The following LIN28B variants were observed in gnomAD, a reference collection of about 807,000 sequenced individuals.
LIN28B encodes lin-28 RNA binding posttranscriptional regulator B, also known as protein lin-28 homolog B.
In LIN28B, 5 loss-of-function variants were observed where a neutral mutation model predicts 21.9. The observed-to-expected ratio is 0.23, with a 90% CI of 0.12 to 0.48. The LOEUF (loss-of-function observed/expected upper bound fraction) is 0.48, where lower values mean the gene tolerates loss of function less well. LIN28B is among the 20% of genes least tolerant of loss of function. The pLI is 0.98. For synonymous variants in LIN28B, 109 were observed against 111.3 expected (o/e 0.98, Z 0.13); for missense variants, 245 against 310.5 (o/e 0.79, Z 1.58).
Position 105,016,714 on chromosome 6 carries a change from A to G in LIN28B, c.199-9584A>G, listed in dbSNP as rs567732803. Among the ~76,000 whole-genome samples the G allele has an allele frequency of 6.0e-4, 92 of 152,250 alleles. No individual in the cohort carries two copies. The South Asian group carries it at 0.018, about 30-fold the overall frequency. On this transcript the variant is annotated intron_variant, in intron 2 of 3. Coordinates refer to ENST00000345080, the MANE Select transcript of LIN28B (RefSeq NM_001004317.4). ...TTCAGGGATGGTTTTAGGCATGTAA[A>G]TGAAAAATTATGATCTTTCCTTTCA...
intron 3 of LIN28B, among the ~76,000 whole-genome samples, chr6:105,051,367 A>G (rs1771898012): frequency 6.7e-6 from 1 of 149,432 alleles, no homozygotes; most frequent in Non-Finnish European, 1.5e-5. Context: ...TGAACCTGGG[A>G]GGTGGAGGTT....
intron 2 of LIN28B, among the ~76,000 whole-genome samples, chr6:104,946,746 G>A (rs314262): frequency 0.47 from 71,494 of 151,992 alleles, 18,594 homozygotes; most frequent in East Asian, 0.69. Context: ...GTAGTTCAGT[G>A]ATAGTTGACA....
chr6:105,060,675 G>T (rs1359154585), intron 3 of LIN28B, among the ~76,000 whole-genome samples: 2 of 152,136 alleles, frequency 1.3e-5, no homozygotes, highest in Admixed American at 1.3e-4. Flanking sequence ...ATGTTTTAAA[G>T]CCCAAAATAT....
chr6:105,055,403 C>A (rs910731461), intron 3 of LIN28B, among the ~76,000 whole-genome samples: 2 of 152,088 alleles, frequency 1.3e-5, no homozygotes, highest in Non-Finnish European at 2.9e-5. Context: ...AGTTGGAATT[C>A]ATGGGACAGG....
chr6:104,957,400 C>T (rs545497767), intron 1 of LIN28B, 140 bp downstream of exon 1: 3 of 590,006 alleles, frequency 5.1e-6, no homozygotes, highest in East Asian at 5.9e-5. Context: ...CCCCCCATCA[C>T]GCAGTGGGGC....
chr6:105,071,063 G>A (rs1772323934), intron 3 of LIN28B, among the ~76,000 whole-genome samples: 1 of 152,096 alleles, frequency 6.6e-6, no homozygotes, highest in African/African-American at 2.4e-5. Context: ...TTTTAGTAGA[G>A]ACGGAGTTTC....
At chr6:104,946,679 A>G (rs1778159627) in intron 2 of LIN28B, among the ~76,000 whole-genome samples, 2 of 152,210 alleles carry the variant, frequency 1.3e-5, no homozygotes, top group South Asian at 4.1e-4. Flanking sequence ...AAGTAATGTT[A>G]TTTTAAAACG....
chr6:105,045,160 A>G (rs1241002976), intron 3 of LIN28B, among the ~76,000 whole-genome samples: 2 of 151,952 alleles, frequency 1.3e-5, no homozygotes, highest in South Asian at 2.1e-4. Context: ...TTTTTATTCT[A>G]TGTATATCTT....
intron 3 of LIN28B, among the ~76,000 whole-genome samples, chr6:105,060,902 T>G (rs1013513303): frequency 1.3e-5 from 2 of 152,052 alleles, no homozygotes; most frequent in African/African-American, 4.8e-5. Flanking sequence ...AAGAAAGTAG[T>G]TTGTATATAG....
intron 2 of LIN28B, among the ~76,000 whole-genome samples, chr6:105,015,803 G>A (rs1208419489): frequency 6.6e-6 from 1 of 152,114 alleles, no homozygotes; most frequent in Non-Finnish European, 1.5e-5. Context: ...GTGGTTTGTA[G>A]TCTTCCAAAG....
intron 2 of LIN28B, among the ~76,000 whole-genome samples, chr6:104,959,717 G>T (rs969933456): frequency 1.3e-5 from 2 of 152,070 alleles, no homozygotes; most frequent in Non-Finnish European, 2.9e-5. Context: ...TACATTTTCT[G>T]TTTTTTCCCC....
At chr6:105,073,771 C>G (rs1014408046) in intron 3 of LIN28B, among the ~76,000 whole-genome samples, 2 of 152,030 alleles carry the variant, frequency 1.3e-5, no homozygotes, top group African/African-American at 4.8e-5. Flanking sequence ...CTCTCAGGAT[C>G]GAGAGGGAAT....
intron 2 of LIN28B, among the ~76,000 whole-genome samples, chr6:104,948,927 A>G (rs1778188492): frequency 6.6e-6 from 1 of 152,190 alleles, no homozygotes; most frequent in African/African-American, 2.4e-5. Context: ...TCCAAAAGCT[A>G]ATAGTTAGAG....
chr6:104,954,397 A>G (rs1179848103), upstream of LIN28B, among the ~76,000 whole-genome samples: 21 of 152,116 alleles, frequency 1.4e-4, no homozygotes, highest in Admixed American at 1.1e-3. Context: ...CACAGAAAAA[A>G]CAGTGCCATA....
At chr6:105,057,937 CA>C (rs1772051452) in intron 3 of LIN28B, 1 of 236,304 alleles carries the variant, frequency 4.2e-6, no homozygotes, top group African/African-American at 2.4e-5. Flanking sequence ...TGAATCTGAG[CA>C]ATTCAATATC....
At chr6:104,940,077 A>G (rs1778060427) in intron 2 of LIN28B, 1 of 159,584 alleles carries the variant, frequency 6.3e-6, no homozygotes, top group Admixed American at 6.5e-5. Context: ...GACGTTGAGT[A>G]TCTTATTGTT....
At chr6:104,965,898 A>G (rs977644359) in intron 2 of LIN28B, among the ~76,000 whole-genome samples, 2 of 152,180 alleles carry the variant, frequency 1.3e-5, no homozygotes, top group Non-Finnish European at 2.9e-5. Context: ...TTTTTGGTTA[A>G]TAATTATTTA....
intron 2 of LIN28B, among the ~76,000 whole-genome samples, chr6:104,943,871 T>A (rs1384842232): frequency 6.6e-6 from 1 of 152,198 alleles, no homozygotes; most frequent in African/African-American, 2.4e-5. Flanking sequence ...TTTATATGAA[T>A]AAGTCTTCGA....
intron 2 of LIN28B, among the ~76,000 whole-genome samples, chr6:105,006,431 C>T (rs1770816589): frequency 1.3e-5 from 2 of 152,164 alleles, no homozygotes; most frequent in African/African-American, 2.4e-5. Flanking sequence ...CCTGTCTCAG[C>T]CTCCTGAGTA....
Sources: gnomAD v4.1 joint callset for allele counts (sites outside exome capture counted in the v4.1 genomes callset) on GRCh38, gnomAD v4.1.1 for gene constraint, MANE v1.5 for transcripts, NCBI Gene and HGNC (gene_info 2026-07-23, HGNC 2026-07-21) for gene names.